The following ZFYVE27 variants were observed in gnomAD, a reference collection of about 807,000 sequenced individuals.
ZFYVE27 encodes the protein zinc finger FYVE-type containing 27.
In ZFYVE27, 36 loss-of-function variants were observed where a neutral mutation model predicts 52.8. The ratio of observed to expected loss-of-function variants is 0.68; its 90% CI spans 0.52 to 0.90. ZFYVE27 has a LOEUF of 0.90. ZFYVE27 is among the 40% of genes least tolerant of loss of function. The probability of loss-of-function intolerance (pLI) is 0.00; values close to 1 mark genes in which losing one functional copy is unlikely to be tolerated. For synonymous variants in ZFYVE27, 223 were observed against 215.6 expected, an observed-to-expected ratio of 1.03 and a Z score of -0.30; for missense variants, 450 against 527.2, an observed-to-expected ratio of 0.85 and a Z score of 1.43.
Position 97,750,382 on chromosome 10 carries a change from A to T in ZFYVE27, c.716A>T (p.Glu239Val). ...SLQQRMNPKQEEHAFESPPPP... is the reference protein window; with the variant it reads ...SLQQRMNPKQVEHAFESPPPP... The stretch of plus-strand genomic sequence containing the variant: ...CAGCAGAGGATGAACCCAAAGCAGG[A>T]AGAGCATGCCTTTGAGAGTCCTCCA... The change falls in exon 7 of 13, where the codon GAA becomes GTA. Residue 239 changes from glutamate (E) to valine (V), a missense_variant. Coordinates refer to ENST00000684270, the MANE Select transcript of ZFYVE27 (RefSeq NM_001385875.1). 1 of 1,614,178 alleles carries T rather than the reference A, an allele frequency of 6.2e-7. No homozygotes were observed. The highest frequency in any genetic ancestry group is 1.7e-5 in the Admixed American group (1 of 60,028).
chr10:97,755,808 C>G (rs1017961517), intron 10 of ZFYVE27, among the ~76,000 whole-genome samples: 1 of 152,154 alleles, frequency 6.6e-6, no homozygotes, highest in African/African-American at 2.4e-5. Context: ...ATGACTGTTG[C>G]CCTGGCAGGC....
At chr10:97,756,672 C>G (rs1286642732) in intron 10 of ZFYVE27, among the ~76,000 whole-genome samples, 1 of 152,234 alleles carries the variant, frequency 6.6e-6, no homozygotes, top group African/African-American at 2.4e-5. Context: ...CCTCTCCCTG[C>G]TCTGCGTCCC....
At chr10:97,739,746 G>A (rs116908226) in intron 2 of ZFYVE27, among the ~76,000 whole-genome samples, 3,665 of 152,102 alleles carry the variant, frequency 0.024, 57 homozygotes, top group South Asian at 0.053. Flanking sequence ...AATCTCTCTC[G>A]TGACATTGAT....
In ZFYVE27 at chr10:97,740,263, A is replaced by G. The variant is rs17419036; in HGVS notation, c.197+1589A>G. Among the ~76,000 whole-genome samples the G allele has an allele frequency of 5.1e-3, 770 of 152,192 alleles. 4 individuals are homozygous for G. Among genetic ancestry groups the G allele is most frequent in the Middle Eastern group, 0.014 (4 of 294 alleles). ...ACTAGTTCTCTGGCAAAGGCCCTAC[A>G]TTTTTCTTGTTCACCTAATTTATGT... On this transcript the variant is annotated intron_variant, in intron 2 of 12. Coordinates refer to ENST00000684270, the MANE Select transcript of ZFYVE27 (RefSeq NM_001385875.1).
chr10:97,751,582 G>A, intron 8 of ZFYVE27, 120 bp downstream of exon 8: 1 of 964,586 alleles, frequency 1.0e-6, no homozygotes, highest in Non-Finnish European at 1.6e-6. Flanking sequence ...CTGTGAGCTA[G>A]AACTCACTGG....
intron 10 of ZFYVE27, among the ~76,000 whole-genome samples, chr10:97,754,476 C>G (rs964955352): frequency 3.3e-5 from 5 of 152,058 alleles, no homozygotes; most frequent in Admixed American, 6.5e-5. Context: ...CCATGCCTGG[C>G]TAATTTTTGA....
intron 2 of ZFYVE27, among the ~76,000 whole-genome samples, chr10:97,740,680 G>A (rs1298033397): frequency 6.6e-6 from 1 of 152,204 alleles, no homozygotes; most frequent in Non-Finnish European, 1.5e-5. Context: ...AAGCCCCCAG[G>A]AGCCTGCAGT....
Position 97,754,722 on chromosome 10 carries a change from C to T in ZFYVE27, c.1042+1540C>T, listed in dbSNP as rs759340679. The T allele has an allele frequency of 1.3e-4, 169 of 1,289,302 alleles. 1 individual carries two copies. The highest frequency in any genetic ancestry group is 4.3e-4 in the Middle Eastern group (2 of 4,696). The allele number at this position is 1,289,302 out of a possible 1,614,324, so 79.9% of individuals were successfully genotyped here. On this transcript the variant is annotated intron_variant, in intron 10 of 12. Transcript: ENST00000684270. ...ATGTGTGATCTCATTTCATCCTTAC[C>T]GTAGGTGTGACAGGAGCAGGCAGTT...
intron 4 of ZFYVE27, among the ~76,000 whole-genome samples, chr10:97,747,307 T>C (rs2045702048): frequency 6.6e-6 from 1 of 152,232 alleles, no homozygotes; most frequent in Non-Finnish European, 1.5e-5. Context: ...ATCCATACTG[T>C]AAATTATCAT....
chr10:97,757,612 G>T, intron 11 of ZFYVE27, 30 bp from the exon 12 acceptor site: 1 of 1,611,202 alleles, frequency 6.2e-7, no homozygotes, highest in South Asian at 1.1e-5. Context: ...GAGGGTGAGG[G>T]ACACATCTGA....
rs927949688 is a variant in ZFYVE27, at chr10:97,753,162, G to A, written c.1022G>A (p.Arg341His). ...CGGCTCACGGAGCGGCTCCGCAAGC[G>A]CTACCCCACCAACAACTTCGGTGCG... ...VSRLTERLRK[R>H]YPTNNFGNCT... Residue 341 changes from arginine to histidine, a missense_variant, in exon 10 of 13, where the codon CGC becomes CAC. Coordinates refer to ENST00000684270, the MANE Select transcript of ZFYVE27 (RefSeq NM_001385875.1). 7 of 1,611,398 alleles carry A rather than the reference G, an allele frequency of 4.3e-6. No individual in the cohort carries two copies. Among genetic ancestry groups the A allele is most frequent in the Non-Finnish European group, 5.9e-6 (7 of 1,179,412 alleles).
At chr10:97,751,057 AAG>A (rs2046848222) in intron 7 of ZFYVE27, among the ~76,000 whole-genome samples, 1 of 152,158 alleles carries the variant, frequency 6.6e-6, no homozygotes, top group South Asian at 2.1e-4. Context: ...ATTTCTGAGA[AAG>A]AGATCATTCT....
In ZFYVE27 at chr10:97,760,264, G is replaced by A. The variant is rs1053572330; in HGVS notation, c.*964G>A. 1.3e-5 allele frequency: 2 copies of A among 152,018 alleles called. No homozygotes were observed. The highest frequency in any genetic ancestry group is 4.8e-5 in the African/African-American group (2 of 41,368). The allele number at this position is 152,018 out of a possible 1,614,324, so 9.4% of individuals were successfully genotyped here. A position where few individuals can be genotyped will look rare whatever the true frequency, so the allele number is the denominator to read the frequency against. ...GGTAGTGTAGGATCTCGCTGGGCTG[G>A]GTCCTGGATTCCAGGGCTATTCCCT... On this transcript the variant is annotated 3_prime_UTR_variant, in exon 13 of 13. Coordinates refer to ENST00000684270, the MANE Select transcript of ZFYVE27 (RefSeq NM_001385875.1).
At chr10:97,744,608 A>G (rs2044665196) in intron 3 of ZFYVE27, 121 bp from the exon 4 acceptor site, 3 of 1,165,010 alleles carry the variant, frequency 2.6e-6, no homozygotes, top group South Asian at 1.3e-5. Flanking sequence ...GTACAGAGCT[A>G]TCAGGGAAGG....
At chr10:97,749,329 T>G in intron 5 of ZFYVE27, 145 bp from the exon 6 acceptor site, 1 of 719,452 alleles carries the variant, frequency 1.4e-6, no homozygotes, top group Non-Finnish European at 2.5e-6. Flanking sequence ...ATCGCCATTT[T>G]CCGCTGGTTT....
intron 3 of ZFYVE27, among the ~76,000 whole-genome samples, 164 bp from the exon 4 acceptor site, chr10:97,744,565 G>A (rs1455411461): frequency 2.0e-5 from 3 of 152,254 alleles, no homozygotes; most frequent in Non-Finnish European, 2.9e-5. Context: ...GCTGGGTTAA[G>A]GGGGCTGGAG....
At chr10:97,740,047 A>G (rs1431140580) in intron 2 of ZFYVE27, among the ~76,000 whole-genome samples, 1 of 152,172 alleles carries the variant, frequency 6.6e-6, no homozygotes, top group Non-Finnish European at 1.5e-5. Context: ...ATGTAAAATT[A>G]TGTGTCTGCA....
chr10:97,738,856 C>A, intron 2 of ZFYVE27, 182 bp downstream of exon 2: 1 of 653,490 alleles, frequency 1.5e-6, no homozygotes, highest in Non-Finnish European at 2.7e-6. Context: ...AGGCCCAGCC[C>A]AGGAGAGGCA....
chr10:97,759,145 T>C lies in ZFYVE27; in HGVS notation c.1172-91T>C. ...GGGTGTGGGCTGGGTGGGGGGTCTG[T>C]GTGGGGCATTTGGGAGGGTGCTTCT... On this transcript the variant is annotated intron_variant, in intron 12 of 12. Transcript: ENST00000684270. 2.1e-6 allele frequency: 3 copies of C among 1,421,010 alleles called. No homozygotes were observed. The South Asian group carries it at 3.5e-5, about 17-fold the overall frequency. The allele number at this position is 1,421,010 out of a possible 1,614,324, so 88.0% of individuals were successfully genotyped here.
Sources: allele counts gnomAD v4.1 joint callset (sites outside exome capture counted in the v4.1 genomes callset), GRCh38; gene constraint gnomAD v4.1.1; transcripts MANE v1.5; gene names NCBI Gene and HGNC (gene_info 2026-07-23, HGNC 2026-07-21).